The following PCDH15 variants were observed in gnomAD, a reference collection of about 807,000 sequenced individuals.
PCDH15 encodes protocadherin related 15.
PCDH15 carries 129 observed loss-of-function variants against 178.5 expected under a neutral mutation model. The observed-to-expected ratio is 0.72, with a 90% CI of 0.63 to 0.84. The LOEUF (loss-of-function observed/expected upper bound fraction) is 0.84. PCDH15 is among the 40% of genes least tolerant of loss of function. The pLI is 0.00. For synonymous variants in PCDH15, 800 were observed against 732.0 expected (o/e 1.09, Z -1.50); for missense variants, 2,230 against 2,099.9 (o/e 1.06, Z -1.21).
intron 7 of PCDH15, among the ~76,000 whole-genome samples, chr10:54,322,148 A>G (rs2133766130): frequency 6.6e-6 from 1 of 152,124 alleles, no homozygotes; most frequent in South Asian, 2.1e-4. Context: ...ATAGTAATAT[A>G]CTACTGCTCA....
intron 1 of PCDH15, among the ~76,000 whole-genome samples, chr10:54,748,169 T>C (rs1156680823): frequency 6.6e-6 from 1 of 152,228 alleles, no homozygotes; most frequent in Non-Finnish European, 1.5e-5. Context: ...CAAGACGATC[T>C]GCTTTAGATT....
chr10:54,239,782 C>A (rs2055045634), intron 8 of PCDH15, among the ~76,000 whole-genome samples: 1 of 151,972 alleles, frequency 6.6e-6, no homozygotes. Context: ...AGACTAGCAA[C>A]TTATTTTACA....
intron 2 of PCDH15, among the ~76,000 whole-genome samples, chr10:55,141,335 T>C (rs1420613291): frequency 6.6e-6 from 1 of 152,026 alleles, no homozygotes. Context: ...TACCAAGCAA[T>C]TGAAAAGAAC....
chr10:53,809,116 G>A lies in PCDH15; in HGVS notation c.4671+1440C>T, dbSNP rs183631592. 246 of 1,613,788 alleles carry A rather than the reference G, an allele frequency of 1.5e-4. 1 individual carries two copies. The African/African-American group carries it at 2.0e-3, about 13-fold the overall frequency. ...TTCTCCTTCTGACTCTGTGGATTCC[G>A]ATTCTTCTGATTCAGGGGTGGAACT... On this transcript the variant is annotated intron_variant, in intron 37 of 37. Coordinates refer to ENST00000644397, the MANE Select transcript of PCDH15 (RefSeq NM_001384140.1).
At chr10:54,571,841 T>G (rs2089888127) in intron 2 of PCDH15, among the ~76,000 whole-genome samples, 1 of 152,196 alleles carries the variant, frequency 6.6e-6, no homozygotes, top group Non-Finnish European at 1.5e-5. Flanking sequence ...TGGACCCATG[T>G]TCCAATTCTA....
At chr10:55,160,332 C>G (rs1839030802) in intron 2 of PCDH15, among the ~76,000 whole-genome samples, 1 of 151,688 alleles carries the variant, frequency 6.6e-6, no homozygotes, top group Non-Finnish European at 1.5e-5. Flanking sequence ...TGAAAACATA[C>G]TAGCAACTGC....
intron 18 of PCDH15, among the ~76,000 whole-genome samples, chr10:54,050,479 T>C (rs747435601): frequency 5.3e-5 from 8 of 152,182 alleles, no homozygotes; most frequent in Non-Finnish European, 7.3e-5. Flanking sequence ...GCTATAGGTC[T>C]ATAAATCTTG....
intron 18 of PCDH15, among the ~76,000 whole-genome samples, chr10:54,033,711 T>C (rs947254600): frequency 3.3e-5 from 5 of 152,038 alleles, no homozygotes; most frequent in Non-Finnish European, 7.4e-5. Flanking sequence ...TATTTGATTA[T>C]GCTTACATTT....
At chr10:54,216,044 GAAAAAAAAA>G (rs10648282) in intron 9 of PCDH15, among the ~76,000 whole-genome samples, 172 of 70,390 alleles carry the variant, frequency 2.4e-3, no homozygotes, top group African/African-American at 9.6e-3. Context: ...CTCCGTCTCA[GAAAAAAAAA>G]AAAAAAAAAA....
At chr10:54,864,892 T>G (rs1197992500) in intron 3 of PCDH15, 4 of 152,106 alleles carry the variant, frequency 2.6e-5, no homozygotes, top group Non-Finnish European at 5.9e-5. Flanking sequence ...CAAATACATT[T>G]TTTTAGAATC....
chr10:54,807,826 T>G (rs1190556987), intron 3 of PCDH15, among the ~76,000 whole-genome samples: 1 of 151,210 alleles, frequency 6.6e-6, no homozygotes, highest in African/African-American at 2.4e-5. Context: ...TTTGATCACA[T>G]AAAGCTTTTA....
At chr10:54,120,394 A>T (rs2095195260) in intron 15 of PCDH15, among the ~76,000 whole-genome samples, 1 of 152,192 alleles carries the variant, frequency 6.6e-6, no homozygotes, top group African/African-American at 2.4e-5. Flanking sequence ...TTAATGATAG[A>T]ATCAAAATTT....
At chr10:54,337,682 G>A (rs1941453634) in intron 6 of PCDH15, among the ~76,000 whole-genome samples, 1 of 152,088 alleles carries the variant, frequency 6.6e-6, no homozygotes, top group East Asian at 1.9e-4. Context: ...CCCTTTGAAA[G>A]AAACATCTGA....
At chr10:54,270,797 C>G (rs1164393175) in intron 8 of PCDH15, among the ~76,000 whole-genome samples, 5 of 152,122 alleles carry the variant, frequency 3.3e-5, no homozygotes, top group Non-Finnish European at 5.9e-5. Context: ...CTGCTAGACA[C>G]TGTTTTAGAT....
intron 28 of PCDH15, among the ~76,000 whole-genome samples, chr10:53,850,623 T>C (rs1013438202): frequency 6.6e-6 from 1 of 152,182 alleles, no homozygotes; most frequent in Non-Finnish European, 1.5e-5. Context: ...TTTATTATTA[T>C]ATTTCTGGTT....
At chr10:54,345,851 A>C (rs1196686192) in intron 6 of PCDH15, among the ~76,000 whole-genome samples, 3 of 147,786 alleles carry the variant, frequency 2.0e-5, no homozygotes, top group Non-Finnish European at 4.5e-5. Context: ...ATCTTGTCTA[A>C]TGGAAAAAAA....
chr10:53,816,447 C>A (rs949248005), intron 34 of PCDH15, among the ~76,000 whole-genome samples, 170 bp from the exon 35 acceptor site: 5 of 152,066 alleles, frequency 3.3e-5, no homozygotes, highest in Non-Finnish European at 7.4e-5. Context: ...TTAACTAATT[C>A]TTTATATTGG....
chr10:55,161,005 A>G (rs1372763966), intron 2 of PCDH15, among the ~76,000 whole-genome samples: 2 of 152,110 alleles, frequency 1.3e-5, no homozygotes, highest in Non-Finnish European at 2.9e-5. Flanking sequence ...ATTTTCTCAT[A>G]TTATTACGTG....
At chr10:53,971,514 G>A (rs192655511) in intron 21 of PCDH15, among the ~76,000 whole-genome samples, 1,974 of 152,198 alleles carry the variant, frequency 0.013, 16 homozygotes, top group Non-Finnish European at 0.021. Context: ...TTTTTCAGAT[G>A]ACATGATTGT....
Sources: gnomAD v4.1 joint callset for allele counts (sites outside exome capture counted in the v4.1 genomes callset) on GRCh38, gnomAD v4.1.1 for gene constraint, MANE v1.5 for transcripts, NCBI Gene and HGNC (gene_info 2026-07-23, HGNC 2026-07-21) for gene names.